The following CACNA1D variants were observed in gnomAD, a reference collection of about 807,000 sequenced individuals.
The protein encoded by CACNA1D is voltage-dependent L-type calcium channel subunit alpha-1D.
A neutral mutation model predicts 257.1 loss-of-function variants in CACNA1D; 55 were observed. The observed-to-expected ratio is 0.21, with a 90% CI of 0.17 to 0.27. The LOEUF is 0.27. Among genes scored for constraint, CACNA1D ranks in the 10% least tolerant of loss-of-function variants. The pLI is 1.00. For synonymous variants in CACNA1D, 980 were observed against 1,014.9 expected (o/e 0.97, Z 0.65); for missense variants, 1,876 against 2,784.0 (o/e 0.67, Z 7.34).
intron 3 of CACNA1D, among the ~76,000 whole-genome samples, chr3:53,515,735 G>A (rs528335146): frequency 6.6e-6 from 1 of 152,334 alleles, no homozygotes; most frequent in South Asian, 2.1e-4. Flanking sequence ...TCTCTGACAT[G>A]TGGTCCCTGA....
intron 29 of CACNA1D, among the ~76,000 whole-genome samples, chr3:53,760,819 G>C (rs949784393): frequency 2.6e-5 from 4 of 152,204 alleles, no homozygotes; most frequent in African/African-American, 9.7e-5. Context: ...CAAGTTGGTG[G>C]ACAAAGGGGA....
In CACNA1D at chr3:53,673,354, A is replaced by G. The variant is rs1190255496; in HGVS notation, c.1220+228A>G. ...GATTATTGACCAGAAATTAATCAGC[A>G]TTGTTGCTTGAGATTTAAACAATTT... On this transcript the variant is annotated intron_variant, in intron 8 of 47. Coordinates refer to ENST00000350061, the MANE Select transcript of CACNA1D (RefSeq NM_001128840.3). This position sits in a 1 kb window ranked among gnomAD's most constrained non-coding sequence, Gnocchi z 4.1. Among the ~76,000 whole-genome samples, 5 of 152,220 alleles carry G rather than the reference A, an allele frequency of 3.3e-5. No individual in the cohort carries two copies. The highest frequency in any genetic ancestry group is 3.3e-4 in the Admixed American group (5 of 15,288).
intron 3 of CACNA1D, among the ~76,000 whole-genome samples, chr3:53,619,360 T>A (rs1430659844): frequency 5.9e-5 from 9 of 152,232 alleles, no homozygotes; most frequent in Admixed American, 5.9e-4. Context: ...TCTGTGAAGA[T>A]CATAGGTTCA....
intron 3 of CACNA1D, among the ~76,000 whole-genome samples, chr3:53,549,878 T>C (rs1395279854): frequency 6.6e-6 from 1 of 152,182 alleles, no homozygotes; most frequent in Non-Finnish European, 1.5e-5. Flanking sequence ...CCTTGACCCT[T>C]TAGCTTTGAG....
chr3:53,590,501 T>C (rs145221080), intron 3 of CACNA1D, among the ~76,000 whole-genome samples: 1 of 152,366 alleles, frequency 6.6e-6, no homozygotes, highest in East Asian at 1.9e-4. Context: ...GAAATCCTAT[T>C]GCCTTGGCAT....
At chr3:53,667,539 G>A (rs1180112095) in intron 7 of CACNA1D, among the ~76,000 whole-genome samples, 1 of 152,160 alleles carries the variant, frequency 6.6e-6, no homozygotes, top group Non-Finnish European at 1.5e-5. Flanking sequence ...AAATTGATAA[G>A]TAGCTTCTGG....
intron 3 of CACNA1D, among the ~76,000 whole-genome samples, chr3:53,573,727 A>G (rs1428678291): frequency 6.6e-6 from 1 of 152,220 alleles, no homozygotes; most frequent in East Asian, 1.9e-4. Flanking sequence ...AGCTCTGGGC[A>G]CACAGGCACT....
At chr3:53,586,997 C>T (rs1391138139) in intron 3 of CACNA1D, among the ~76,000 whole-genome samples, 1 of 151,994 alleles carries the variant, frequency 6.6e-6, no homozygotes, top group South Asian at 2.1e-4. Flanking sequence ...TGAAGAGAGT[C>T]AGGAAGATTG....
chr3:53,772,490 AT>A (rs150237576), intron 32 of CACNA1D, among the ~76,000 whole-genome samples: 1,604 of 152,350 alleles, frequency 0.011, 41 homozygotes, highest in African/African-American at 0.037. Context: ...GGTTTGATCA[AT>A]TATAATTTCA....
intron 3 of CACNA1D, among the ~76,000 whole-genome samples, chr3:53,518,157 A>G (rs1447467244): frequency 6.6e-6 from 1 of 152,214 alleles, no homozygotes; most frequent in Non-Finnish European, 1.5e-5. Flanking sequence ...GGGAGCTGGA[A>G]TCAGCTGGTG....
chr3:53,603,536 GA>G (rs1241684434), intron 3 of CACNA1D, among the ~76,000 whole-genome samples: 3 of 152,144 alleles, frequency 2.0e-5, no homozygotes, highest in African/African-American at 7.2e-5. Context: ...ATTACACTGT[GA>G]AATCATTTGA....
chr3:53,674,154 G>T, intron 8 of CACNA1D: 1 of 433,044 alleles, frequency 2.3e-6, no homozygotes. Flanking sequence ...TTGTCATTTT[G>T]TGTCTATTAG....
At chr3:53,500,292 G>A (rs975091031) in intron 2 of CACNA1D, among the ~76,000 whole-genome samples, 10 of 149,454 alleles carry the variant, frequency 6.7e-5, no homozygotes, top group African/African-American at 2.5e-4. Context: ...ATTAGCCGGC[G>A]TGGTGGCACA....
At chr3:53,535,287 C>T (rs1228930397) in intron 3 of CACNA1D, among the ~76,000 whole-genome samples, 1 of 152,210 alleles carries the variant, frequency 6.6e-6, no homozygotes, top group African/African-American at 2.4e-5. Context: ...CTCCCGTCGC[C>T]TGTGTGTCCC....
At chr3:53,576,321 A>G (rs1017558254) in intron 3 of CACNA1D, among the ~76,000 whole-genome samples, 3 of 152,216 alleles carry the variant, frequency 2.0e-5, no homozygotes, top group Admixed American at 2.0e-4. Flanking sequence ...ATGGCAACCA[A>G]TGAAAGTTTT....
intron 3 of CACNA1D, among the ~76,000 whole-genome samples, chr3:53,505,543 A>G (rs1458487282): frequency 6.6e-6 from 1 of 152,226 alleles, no homozygotes; most frequent in Non-Finnish European, 1.5e-5. Flanking sequence ...GCTGATGTGC[A>G]CCAAGCGAAT....
At chr3:53,649,661 C>T (rs1353171403) in intron 3 of CACNA1D, among the ~76,000 whole-genome samples, 2 of 152,142 alleles carry the variant, frequency 1.3e-5, no homozygotes. Context: ...ACCTCTTGCC[C>T]TAGGCATTTT....
intron 30 of CACNA1D, among the ~76,000 whole-genome samples, chr3:53,765,263 G>C (rs2095325975): frequency 1.3e-5 from 2 of 152,168 alleles, no homozygotes; most frequent in South Asian, 4.1e-4. Flanking sequence ...ATCCTTGGTG[G>C]CCTTGTCCCC....
chr3:53,543,642 G>T (rs2092351683), intron 3 of CACNA1D, among the ~76,000 whole-genome samples: 1 of 152,186 alleles, frequency 6.6e-6, no homozygotes, highest in Non-Finnish European at 1.5e-5. Context: ...TAAAGTTGTT[G>T]TAAAAGCAGG....
Sources: allele counts gnomAD v4.1 joint callset (sites outside exome capture counted in the v4.1 genomes callset), GRCh38; gene constraint gnomAD v4.1.1; non-coding constraint Gnocchi (gnomAD v3.1); transcripts MANE v1.5; gene names NCBI Gene and HGNC (gene_info 2026-07-23, HGNC 2026-07-21).